Variants in GNAL observed in about 807,000 individuals in gnomAD.
The protein encoded by GNAL is guanine nucleotide-binding protein G(olf) subunit alpha.
Under a neutral mutation model 55.1 loss-of-function variants are expected in GNAL, and 18 were observed. That is an observed-to-expected ratio of 0.33 (90% confidence interval 0.23 to 0.48). The LOEUF (loss-of-function observed/expected upper bound fraction) is 0.48. GNAL is among the 20% of genes least tolerant of loss of function. The pLI is 0.99. For synonymous variants in GNAL, 253 were observed against 237.0 expected (o/e 1.07, Z -0.62); for missense variants, 412 against 614.1 (o/e 0.67, Z 3.48).
At chr18:11,821,351 G>A (rs1307945667) in intron 4 of GNAL, among the ~76,000 whole-genome samples, 1 of 152,144 alleles carries the variant, frequency 6.6e-6, no homozygotes, top group Non-Finnish European at 1.5e-5. Context: ...AAAAACACAG[G>A]CAGTGGAATA....
At chr18:11,869,713 G>C (rs1447998708) in intron 9 of GNAL, among the ~76,000 whole-genome samples, 1 of 152,094 alleles carries the variant, frequency 6.6e-6, no homozygotes, top group Non-Finnish European at 1.5e-5. Flanking sequence ...AGGAATTGGA[G>C]ACCAGTCTGG....
intron 4 of GNAL, 36 bp from the exon 5 acceptor site, chr18:11,824,882 T>A (rs749817975): frequency 3.6e-6 from 4 of 1,114,068 alleles, no homozygotes; most frequent in Non-Finnish European, 5.3e-6. Context: ...TTATTACACT[T>A]TTTTTTTTTT....
chr18:11,790,923 C>T (rs1362469435), intron 4 of GNAL, among the ~76,000 whole-genome samples: 4 of 152,046 alleles, frequency 2.6e-5, no homozygotes, highest in Non-Finnish European at 5.9e-5. Flanking sequence ...TCCCTAAGTT[C>T]TGGGATTACA....
chr18:11,761,498 G>T (rs953114156), intron 4 of GNAL, among the ~76,000 whole-genome samples: 12 of 152,234 alleles, frequency 7.9e-5, no homozygotes, highest in African/African-American at 2.6e-4. Context: ...ATTTTCAGTT[G>T]GATTTTCTTT....
chr18:11,737,373 T>A (rs1011452758), intron 1 of GNAL, among the ~76,000 whole-genome samples: 11 of 152,198 alleles, frequency 7.2e-5, no homozygotes, highest in Admixed American at 3.3e-4. Context: ...ATTCTAAGAA[T>A]CCTAAGGCAT....
At chr18:11,754,168 G>A (rs561353253) in intron 4 of GNAL, among the ~76,000 whole-genome samples, 1 of 151,986 alleles carries the variant, frequency 6.6e-6, no homozygotes, top group Non-Finnish European at 1.5e-5. Flanking sequence ...TAATCCCAGC[G>A]CTTTGGGAGG....
chr18:11,738,692 G>A (rs1048325616), intron 1 of GNAL, among the ~76,000 whole-genome samples: 11 of 152,046 alleles, frequency 7.2e-5, no homozygotes, highest in African/African-American at 1.4e-4. Context: ...CAAGTGATCC[G>A]CCTGCCTCGG....
chr18:11,835,565 T>C (rs1305098580), intron 5 of GNAL, among the ~76,000 whole-genome samples: 7 of 152,206 alleles, frequency 4.6e-5, no homozygotes, highest in Admixed American at 1.3e-4. Flanking sequence ...ATTTATTTTA[T>C]GTTTGAAATT....
intron 1 of GNAL, among the ~76,000 whole-genome samples, chr18:11,717,002 C>T (rs370432372): frequency 2.0e-5 from 3 of 152,186 alleles, no homozygotes; most frequent in South Asian, 2.1e-4. Flanking sequence ...CAGGGGGCGG[C>T]GCTGGTCAGG....
At chr18:11,827,507 G>A (rs1219898185) in intron 5 of GNAL, among the ~76,000 whole-genome samples, 2 of 74,024 alleles carry the variant, frequency 2.7e-5, no homozygotes, top group South Asian at 4.3e-4. Context: ...CCAGCTACTC[G>A]GAGGTTGAGG....
At chr18:11,693,569 T>C (rs960816063) in intron 1 of GNAL, among the ~76,000 whole-genome samples, 19 of 152,302 alleles carry the variant, frequency 1.2e-4, no homozygotes, top group Admixed American at 8.5e-4. Context: ...AAATATGACT[T>C]ATTGACCATT....
At chr18:11,730,358 C>G (rs1598415983) in intron 1 of GNAL, among the ~76,000 whole-genome samples, 2 of 151,886 alleles carry the variant, frequency 1.3e-5, no homozygotes, top group Admixed American at 6.5e-5. Context: ...GGGGGTTTCC[C>G]CACGTTGGCC....
chr18:11,834,231 T>A (rs2143700230), intron 5 of GNAL, among the ~76,000 whole-genome samples: 1 of 152,372 alleles, frequency 6.6e-6, no homozygotes, highest in South Asian at 2.1e-4. Context: ...TGGTCTTAGA[T>A]GACGGTTGAG....
chr18:11,755,493 TC>T (rs1027617894), intron 4 of GNAL, among the ~76,000 whole-genome samples: 14 of 152,172 alleles, frequency 9.2e-5, no homozygotes, highest in Non-Finnish European at 1.5e-4. Context: ...GCCAGGATGG[TC>T]TCGATCTCCT....
rs745638952 is a variant in GNAL at position 11,689,871 on chromosome 18, G to A, written c.308G>A (p.Arg103Gln). ...GTCAAGGAGGCGAGGAAAGTGAGCCGGGGCATCGACCGCATGCTGCGCGAC... is the reference window on the plus strand; with the variant it reads ...GTCAAGGAGGCGAGGAAAGTGAGCCAGGGCATCGACCGCATGCTGCGCGAC... Reference protein sequence around the residue: ...EAVKEARKVSRGIDRMLRDQK... With the variant: ...EAVKEARKVSQGIDRMLRDQK... The change falls in exon 1 of 12, where the codon CGG (arginine) becomes CAG (glutamine). Residue 103 changes from arginine (R) to glutamine (Q), a missense_variant. Physicochemically the swap from Arg to Gln is conservative, Grantham distance 43. Transcript: ENST00000334049. The A allele has an allele frequency of 3.3e-6, 5 of 1,512,460 alleles. No individual in the cohort carries two copies. Among genetic ancestry groups the A allele is most frequent in the African/African-American group, 2.9e-5 (2 of 69,676 alleles). 93.7% of individuals were successfully genotyped at this position (1,512,460 alleles called of 1,614,324 possible).
chr18:11,797,482 C>T (rs1241658537), intron 4 of GNAL, among the ~76,000 whole-genome samples: 5 of 152,086 alleles, frequency 3.3e-5, no homozygotes, highest in African/African-American at 1.2e-4. Context: ...TGGCTCACAC[C>T]TGTAATCCCA....
At chr18:11,850,277 G>T (rs1201436032) in intron 5 of GNAL, among the ~76,000 whole-genome samples, 1 of 152,212 alleles carries the variant, frequency 6.6e-6, no homozygotes, top group East Asian at 1.9e-4. Flanking sequence ...TGGAGCAAGA[G>T]AGTGAAAACA....
chr18:11,881,613 G>A lies in GNAL; in HGVS notation c.*478G>A, dbSNP rs992584770. 1 of 153,432 alleles carries A rather than the reference G, an allele frequency of 6.5e-6. No homozygotes were observed. The highest frequency in any genetic ancestry group is 1.5e-5 in the Non-Finnish European group (1 of 68,612). The allele number at this position is 153,432 out of a possible 1,614,324, so 9.5% of individuals were successfully genotyped here. ...CATTGGCCTTAGCCCAAGACTTGGA[G>A]TCGACCCCAAGCGACAGAGTGACCA... is the stretch of plus-strand genomic sequence containing the variant. On this transcript the variant is annotated 3_prime_UTR_variant, in exon 12 of 12. Transcript: ENST00000334049. This position sits in a 1 kb window ranked among gnomAD's most constrained non-coding sequence, Gnocchi z 4.8.
chr18:11,830,680 T>G (rs1427695212), intron 5 of GNAL, among the ~76,000 whole-genome samples: 2 of 152,186 alleles, frequency 1.3e-5, no homozygotes, highest in African/African-American at 4.8e-5. Context: ...TAGATGGATG[T>G]TCATAGCAAT....
Sources: allele counts gnomAD v4.1 joint callset (sites outside exome capture counted in the v4.1 genomes callset), GRCh38; gene constraint gnomAD v4.1.1; non-coding constraint Gnocchi (gnomAD v3.1); transcripts MANE v1.5; gene names NCBI Gene and HGNC (gene_info 2026-07-23, HGNC 2026-07-21).